Variants in CACNB4 observed in about 807,000 individuals in gnomAD.
CACNB4 encodes the protein calcium voltage-gated channel auxiliary subunit beta 4, also known as voltage-dependent L-type calcium channel subunit beta-4.
CACNB4 carries 32 observed loss-of-function variants against 71.2 expected under a neutral mutation model. The observed-to-expected ratio is 0.45, with a 90% CI of 0.34 to 0.60. The LOEUF (loss-of-function observed/expected upper bound fraction) is 0.60, where lower values mean the gene tolerates loss of function less well. Among genes scored for constraint, CACNB4 ranks in the 20% least tolerant of loss-of-function variants. CACNB4 has a pLI of 0.01. For synonymous variants in CACNB4, 231 were observed against 236.9 expected, an observed-to-expected ratio of 0.97 and a Z score of 0.23; for missense variants, 464 against 647.9, an observed-to-expected ratio of 0.72 and a Z score of 3.08.
At chr2:151,904,088 G>A (rs917050362) in intron 2 of CACNB4, among the ~76,000 whole-genome samples, 9 of 152,102 alleles carry the variant, frequency 5.9e-5, no homozygotes, top group African/African-American at 2.2e-4. Flanking sequence ...GCGTTCAATA[G>A]AGAAAAAAAC....
At chr2:151,918,618 T>A (rs6433720) in intron 2 of CACNB4, among the ~76,000 whole-genome samples, 144,763 of 152,288 alleles carry the variant, frequency 0.95, 69,224 homozygotes, top group East Asian at 1. Flanking sequence ...ATAGTAGAGC[T>A]TTATCTACCA....
chr2:151,917,145 G>T (rs1053987175), intron 2 of CACNB4, among the ~76,000 whole-genome samples: 3 of 152,166 alleles, frequency 2.0e-5, no homozygotes, highest in South Asian at 2.1e-4. Flanking sequence ...TAGGATGTGG[G>T]GGTATTAATA....
chr2:151,982,506 C>A (rs951901311), intron 2 of CACNB4, among the ~76,000 whole-genome samples: 3 of 151,924 alleles, frequency 2.0e-5, no homozygotes, highest in African/African-American at 7.3e-5. Flanking sequence ...TGGTGGCTGG[C>A]GCCTGTAGTC....
chr2:151,963,984 G>A (rs1404236711), intron 2 of CACNB4, among the ~76,000 whole-genome samples: 1 of 148,526 alleles, frequency 6.7e-6, no homozygotes, highest in Non-Finnish European at 1.5e-5. Flanking sequence ...CAGGAGAATT[G>A]CTTGAGCCCG....
In CACNB4 at chr2:151,869,841, A is replaced by G. The variant is rs1221663230; in HGVS notation, c.700-606T>C. On this transcript the variant is annotated intron_variant, in intron 8 of 13. Coordinates refer to ENST00000539935, the MANE Select transcript of CACNB4 (RefSeq NM_000726.5). ...AGCAAATGTGTACTGAGTGCCTACT[A>G]TGTGCCACACATTGTCCTAGCTCGA... The G allele has an allele frequency of 3.3e-5, 8 of 239,156 alleles. No individual in the cohort carries two copies. The East Asian group carries it at 8.3e-4, about 25-fold the overall frequency. The allele number at this position is 239,156 out of a possible 1,614,324, so 14.8% of individuals were successfully genotyped here.
chr2:152,011,811 A>G (rs964611241), intron 2 of CACNB4, among the ~76,000 whole-genome samples: 17 of 152,188 alleles, frequency 1.1e-4, no homozygotes, highest in African/African-American at 3.6e-4. Context: ...TTGGTCAACC[A>G]TGGACCAAAT....
At chr2:152,006,253 T>A (rs1241793399) in intron 2 of CACNB4, among the ~76,000 whole-genome samples, 1 of 152,202 alleles carries the variant, frequency 6.6e-6, no homozygotes, top group African/African-American at 2.4e-5. Flanking sequence ...TCAGGTGGGA[T>A]GTGCTCTATT....
chr2:152,002,912 A>G (rs73013222), intron 2 of CACNB4, among the ~76,000 whole-genome samples: 3,409 of 152,334 alleles, frequency 0.022, 123 homozygotes, highest in African/African-American at 0.078. Context: ...TTTTGAGTTT[A>G]GCAGAAAGTC....
intron 12 of CACNB4, among the ~76,000 whole-genome samples, chr2:151,844,461 T>C (rs1390448906): frequency 6.6e-6 from 1 of 151,994 alleles, no homozygotes; most frequent in East Asian, 1.9e-4. Context: ...AAAGAGATCA[T>C]ATGGCCATGA....
chr2:152,007,902 G>T (rs964225640), intron 2 of CACNB4, among the ~76,000 whole-genome samples: 1 of 151,968 alleles, frequency 6.6e-6, no homozygotes, highest in Non-Finnish European at 1.5e-5. Flanking sequence ...CTCCTGAGCA[G>T]CTAGGATTAC....
At chr2:152,053,267 T>G (rs1323291370) in intron 2 of CACNB4, among the ~76,000 whole-genome samples, 2 of 152,210 alleles carry the variant, frequency 1.3e-5, no homozygotes. Flanking sequence ...AGCTGTAAGT[T>G]GAGTTGATCA....
Position 152,098,587 on chromosome 2 carries a change from G to GC in CACNB4, c.64-175dup. 17 of 755,746 alleles carry GC rather than the reference G, an allele frequency of 2.2e-5. No homozygotes were observed. Among genetic ancestry groups the GC allele is most frequent in the Non-Finnish European group, 3.7e-5 (16 of 435,924 alleles). 46.8% of individuals were successfully genotyped at this position (755,746 alleles called of 1,614,324 possible). The stretch of plus-strand genomic sequence containing the variant: ...CAGCCCCCACCCCCACCCACCCACT[G>GC]CAAGCCTCGACTGCTGAAAAGATGC... On this transcript the variant is annotated intron_variant, in intron 1 of 13. Coordinates refer to ENST00000539935, the MANE Select transcript of CACNB4 (RefSeq NM_000726.5). This position sits in a 1 kb window ranked among gnomAD's most constrained non-coding sequence, Gnocchi z 5.3.
At chr2:152,021,485 T>C (rs1217852218) in intron 2 of CACNB4, among the ~76,000 whole-genome samples, 3 of 152,134 alleles carry the variant, frequency 2.0e-5, no homozygotes, top group Admixed American at 2.0e-4. Context: ...CAACCCATAA[T>C]CTCTTAACAT....
intron 2 of CACNB4, among the ~76,000 whole-genome samples, chr2:151,886,024 G>C (rs923658030): frequency 1.3e-5 from 2 of 152,022 alleles, no homozygotes; most frequent in African/African-American, 4.8e-5. Context: ...TGTTGCCCAG[G>C]CTGGTCTCAA....
rs1041528857 is a variant in CACNB4, at chr2:151,933,752, A to G, written c.148-50382T>C. ...ACTGGCACTTGATATCAAACTCCAT[A>G]TATTTTGAGGGTTTTAAAAAAAATT... On this transcript the variant is annotated intron_variant, in intron 2 of 13. Transcript: ENST00000539935. 5.3e-5 allele frequency among the ~76,000 whole-genome samples: 8 copies of G among 152,288 alleles called. No homozygotes were observed. The East Asian group carries it at 7.7e-4, about 15-fold the overall frequency.
At chr2:151,977,639 A>C (rs2099874054) in intron 2 of CACNB4, among the ~76,000 whole-genome samples, 1 of 152,240 alleles carries the variant, frequency 6.6e-6, no homozygotes. Flanking sequence ...GCTATTAGCT[A>C]TGAGATTTAA....
chr2:151,990,943 T>G (rs926634417), intron 2 of CACNB4, among the ~76,000 whole-genome samples: 1 of 152,220 alleles, frequency 6.6e-6, no homozygotes, highest in Non-Finnish European at 1.5e-5. Context: ...TGGTGAATTG[T>G]GTGGCTATAT....
chr2:151,857,513 T>A (rs985651397), intron 10 of CACNB4: 5 of 152,214 alleles, frequency 3.3e-5, no homozygotes, highest in Admixed American at 1.3e-4. Flanking sequence ...TTAAAATAAA[T>A]TTTCTTCAGA....
intron 12 of CACNB4, among the ~76,000 whole-genome samples, chr2:151,848,885 CAT>C (rs1004121236): frequency 4.6e-5 from 7 of 152,252 alleles, no homozygotes; most frequent in African/African-American, 1.7e-4. Flanking sequence ...TCTTAAAAAA[CAT>C]ACTATTTTCA....
Sources: gnomAD v4.1 joint callset for allele counts (sites outside exome capture counted in the v4.1 genomes callset) on GRCh38, gnomAD v4.1.1 for gene constraint, Gnocchi (gnomAD v3.1) non-coding constraint, MANE v1.5 for transcripts, NCBI Gene and HGNC (gene_info 2026-07-23, HGNC 2026-07-21) for gene names.